The following AK9 variants were observed in gnomAD, a reference collection of about 807,000 sequenced individuals.
AK9 encodes adenylate kinase domain containing 1.
A neutral mutation model predicts 239.6 loss-of-function variants in AK9; 191 were observed. The ratio of observed to expected loss-of-function variants is 0.80; its 90% confidence interval spans 0.71 to 0.90. AK9 has a LOEUF of 0.90. Among genes scored for constraint, AK9 ranks in the 40% least tolerant of loss-of-function variants. The probability of loss-of-function intolerance (pLI) is 0.00; values close to 1 mark genes in which losing one functional copy is unlikely to be tolerated. For missense variants in AK9, 1,995 were observed against 2,214.7 expected (o/e 0.90, Z 1.99); for synonymous variants, 689 against 721.0 (o/e 0.96, Z 0.71).
chr6:109,504,492 ATTGT>A lies in AK9; in HGVS notation c.4849+1831_4849+1834del, dbSNP rs992811537. ...TGGGATATACTTATACTAAAGAATT[ATTGT>A]TTATCTGAAATTTAAATTTAACTGG... On this transcript the variant is annotated intron_variant, in intron 35 of 40. Coordinates refer to ENST00000424296, the MANE Select transcript of AK9 (RefSeq NM_001145128.3). 2.7e-3 allele frequency among the ~76,000 whole-genome samples: 414 copies of A among 152,316 alleles called. 2 individuals carry two copies. The highest frequency in any genetic ancestry group is 9.7e-3 in the African/African-American group (402 of 41,574).
chr6:109,686,637 A>G (rs189747135), intron 1 of AK9, among the ~76,000 whole-genome samples: 174 of 152,246 alleles, frequency 1.1e-3, no homozygotes, highest in Middle Eastern at 6.8e-3. Flanking sequence ...ATGTAAGGAT[A>G]CCTTCTGGAG....
In AK9 at chr6:109,679,104, A is replaced by C. The variant is rs553288173; in HGVS notation, c.-11-3348T>G. On this transcript the variant is annotated intron_variant, in intron 1 of 40. Coordinates refer to ENST00000424296, the MANE Select transcript of AK9 (RefSeq NM_001145128.3). Reference sequence around the variant, plus strand: ...GTGGCGCCTGGAACGCCAGCGAGACAGAACTGTTCACTCCCCTGGAAAGGG... The same window carrying C: ...GTGGCGCCTGGAACGCCAGCGAGACCGAACTGTTCACTCCCCTGGAAAGGG... 9.9e-5 allele frequency among the ~76,000 whole-genome samples: 15 copies of C among 152,284 alleles called. No homozygotes were observed. In the South Asian group the frequency reaches 2.9e-3, roughly 29 times the overall value.
intron 1 of AK9, among the ~76,000 whole-genome samples, chr6:109,688,397 G>A: frequency 6.6e-6 from 1 of 152,160 alleles, no homozygotes; most frequent in East Asian, 1.9e-4. Flanking sequence ...ACTACCTAAA[G>A]GTTTAGAGTA....
intron 28 of AK9, among the ~76,000 whole-genome samples, chr6:109,529,849 C>T (rs1021039326): frequency 1.4e-4 from 21 of 152,228 alleles, no homozygotes; most frequent in African/African-American, 3.9e-4. Flanking sequence ...TGATGGGGAG[C>T]GGCTGTAAAT....
chr6:109,670,285 A>T (rs1024959907), intron 5 of AK9, among the ~76,000 whole-genome samples: 7 of 152,220 alleles, frequency 4.6e-5, no homozygotes, highest in African/African-American at 1.7e-4. Flanking sequence ...TTAATTTTTT[A>T]GGTGTGATAA....
intron 29 of AK9, among the ~76,000 whole-genome samples, chr6:109,519,309 T>G (rs1779591578): frequency 6.6e-6 from 1 of 152,196 alleles, no homozygotes; most frequent in Admixed American, 6.5e-5. Flanking sequence ...GTAGAACAAT[T>G]TATTTTCTTT....
intron 35 of AK9, among the ~76,000 whole-genome samples, chr6:109,502,475 A>G (rs1427039754): frequency 6.6e-6 from 1 of 152,192 alleles, no homozygotes; most frequent in Non-Finnish European, 1.5e-5. Context: ...CTGGAAAAAC[A>G]GAAAGGCATG....
rs73520974 is a variant in AK9, at chr6:109,502,229, C to T, written c.4850-2989G>A. 8.0e-3 allele frequency among the ~76,000 whole-genome samples: 1,225 copies of T among 152,222 alleles called. 25 individuals carry two copies. The highest frequency in any genetic ancestry group is 0.026 in the African/African-American group (1,088 of 41,538). On this transcript the variant is annotated intron_variant, in intron 35 of 40. Coordinates refer to ENST00000424296, the MANE Select transcript of AK9 (RefSeq NM_001145128.3). ...GATGTCACTTCCAAGATTAGTTTAC[C>T]ATTATGGCCTGAATTACGTTTCCCA...
intron 21 of AK9, among the ~76,000 whole-genome samples, chr6:109,565,485 ATTT>A (rs397809195): frequency 0.026 from 3,871 of 151,386 alleles, 63 homozygotes; most frequent in South Asian, 0.057. Flanking sequence ...TTAAAAAAAA[ATTT>A]TTTTTCAAGA....
At chr6:109,545,402 G>A (rs1284611296) in intron 26 of AK9, among the ~76,000 whole-genome samples, 2 of 152,164 alleles carry the variant, frequency 1.3e-5, no homozygotes, top group Admixed American at 1.3e-4. Flanking sequence ...ACATGTTATG[G>A]GAGGGACACA....
intron 16 of AK9, among the ~76,000 whole-genome samples, chr6:109,611,477 A>C (rs143723053): frequency 6.6e-6 from 1 of 152,314 alleles, no homozygotes; most frequent in African/African-American, 2.4e-5. Context: ...CAAGGCTAGC[A>C]GTGTGCCCTG....
chr6:109,525,726 G>A (rs906606781), intron 29 of AK9, among the ~76,000 whole-genome samples: 12 of 152,190 alleles, frequency 7.9e-5, no homozygotes, highest in Admixed American at 5.2e-4. Context: ...CAGCCACTGT[G>A]AAAAGCAGTT....
At chr6:109,602,805 A>G (rs1229320906) in intron 17 of AK9, among the ~76,000 whole-genome samples, 3 of 151,590 alleles carry the variant, frequency 2.0e-5, no homozygotes, top group Admixed American at 6.6e-5. Flanking sequence ...TTCTCTTCTC[A>G]CTTCATTTCA....
intron 20 of AK9, among the ~76,000 whole-genome samples, chr6:109,576,833 C>CT (rs552286836): frequency 0.028 from 3,775 of 135,020 alleles, 90 homozygotes; most frequent in East Asian, 0.11. Context: ...TCATAGATTT[C>CT]TTTTTTTTTT....
At chr6:109,652,803 G>A (rs917263688) in intron 8 of AK9, among the ~76,000 whole-genome samples, 6 of 152,152 alleles carry the variant, frequency 3.9e-5, no homozygotes, top group East Asian at 3.8e-4. Context: ...AACACAGTGC[G>A]TCTTTTTATA....
At chr6:109,606,424 G>A (rs1248104537) in intron 17 of AK9, among the ~76,000 whole-genome samples, 1 of 152,200 alleles carries the variant, frequency 6.6e-6, no homozygotes, top group East Asian at 1.9e-4. Context: ...AACAAGAACA[G>A]ATAGGTACAG....
rs10648225 is a variant in AK9, at chr6:109,607,768, GGTGTGTGTGT to G, written c.1842+2587_1842+2596del. 4.8e-5 allele frequency among the ~76,000 whole-genome samples: 7 copies of G among 145,484 alleles called. No homozygotes were observed. In the East Asian group the frequency reaches 6.1e-4, roughly 13 times the overall value. ...AACCCGATCAAAATCCCAGCAGAGG[GGTGTGTGTGT>G]GTGTGTGTGTGTGTGTGTGTGTGTG... On this transcript the variant is annotated intron_variant, in intron 17 of 40. Transcript: ENST00000424296.
rs1433459080 is a variant in AK9 at position 109,497,890 on chromosome 6, TGG to T, written c.5120_5121del (p.Pro1707GlnfsTer14). The T allele has an allele frequency of 1.2e-6, 2 of 1,614,048 alleles. No homozygotes were observed. The highest frequency in any genetic ancestry group is 2.2e-5 in the South Asian group (2 of 91,078). On this transcript the variant is annotated frameshift_variant, in exon 37 of 41. Coordinates refer to ENST00000424296, the MANE Select transcript of AK9 (RefSeq NM_001145128.3). LOFTEE classifies it high-confidence loss of function. The stretch of plus-strand genomic sequence containing the variant: ...TTCAGCTCTGACAGTGTCAGTCTTT[TGG>T]GGATCATGTCAGCAGATGGGAGTGG... Reference protein sequence around the residue: ...PHPLPSADMIPKRLTLSELKS... With the variant: ...PHPLPSADMIXKRLTLSELKS...
intron 12 of AK9, among the ~76,000 whole-genome samples, chr6:109,627,065 A>G (rs1562514277): frequency 6.8e-6 from 1 of 147,510 alleles, no homozygotes; most frequent in Non-Finnish European, 1.5e-5. Context: ...ACACAAACTC[A>G]TTGTACAGAT....
Sources: gnomAD v4.1 joint callset for allele counts (sites outside exome capture counted in the v4.1 genomes callset) on GRCh38, gnomAD v4.1.1 for gene constraint, MANE v1.5 for transcripts, NCBI Gene and HGNC (gene_info 2026-07-23, HGNC 2026-07-21) for gene names.